SRP54: variants seen among roughly 807,000 people sequenced by gnomAD.
SRP54 encodes the protein signal recognition particle 54.
Under a neutral mutation model 64.8 loss-of-function variants are expected in SRP54, and 10 were observed. The ratio of observed to expected loss-of-function variants is 0.15; its 90% CI spans 0.10 to 0.26. SRP54 has a LOEUF of 0.26. Among genes scored for constraint, SRP54 ranks in the 10% least tolerant of loss-of-function variants. SRP54 has a pLI of 1.00. For missense variants in SRP54, 325 were observed against 613.7 expected, an observed-to-expected ratio of 0.53 and a Z score of 4.97; for synonymous variants, 193 against 185.6, an observed-to-expected ratio of 1.04 and a Z score of -0.32.
At position 34,991,719 on chromosome 14, in the gene SRP54, G is replaced by A. The variant is rs2043982850; in HGVS notation, c.-33-4958G>A. ...TCAGTATGATTAAAATCAGTCATGC[G>A]TGTGTGTTGGGGGTGGGGGGTGGAG... On this transcript the variant is annotated intron_variant, in intron 1 of 15. Coordinates refer to ENST00000216774, the MANE Select transcript of SRP54 (RefSeq NM_003136.4). Among the ~76,000 whole-genome samples, 8 of 149,722 alleles carry A rather than the reference G, an allele frequency of 5.3e-5. 1 individual carries two copies. The South Asian group carries it at 6.4e-4, about 12-fold the overall frequency.
At chr14:34,986,685 C>G (rs890373571) in intron 1 of SRP54, among the ~76,000 whole-genome samples, 2 of 152,000 alleles carry the variant, frequency 1.3e-5, no homozygotes, top group Non-Finnish European at 2.9e-5. Context: ...CAAGACCAGC[C>G]TGGCCAAGAT....
intron 8 of SRP54, among the ~76,000 whole-genome samples, chr14:35,012,477 A>T (rs908881675): frequency 1.3e-5 from 2 of 152,152 alleles, no homozygotes; most frequent in East Asian, 3.8e-4. Context: ...TAATGCTAAT[A>T]AGTTTCTTTT....
At chr14:35,028,311 A>C (rs946537819) in intron 15 of SRP54, 128 bp downstream of exon 15, 1 of 565,102 alleles carries the variant, frequency 1.8e-6, no homozygotes, top group East Asian at 3.1e-5. Context: ...GGAAATGGTC[A>C]TCTGAATCCT....
At chr14:35,014,918 T>C (rs2044414029) in intron 11 of SRP54, 88 bp downstream of exon 11, 2 of 942,900 alleles carry the variant, frequency 2.1e-6, no homozygotes, top group South Asian at 3.1e-5. Flanking sequence ...TGAAATGTAA[T>C]ATCTGTTAGA....
intron 13 of SRP54, 33 bp downstream of exon 13, chr14:35,019,107 A>G (rs1282111499): frequency 1.9e-5 from 27 of 1,442,316 alleles, no homozygotes; most frequent in Non-Finnish European, 2.3e-5. Context: ...TCAGGCAAAA[A>G]TGTTCTGAGT....
chr14:35,014,506 C>T (rs1459645108), intron 10 of SRP54, among the ~76,000 whole-genome samples: 1 of 152,060 alleles, frequency 6.6e-6, no homozygotes, highest in Non-Finnish European at 1.5e-5. Flanking sequence ...TCTCAAACTC[C>T]TGACCTCAGG....
At chr14:35,002,053 T>G (rs1183704151) in intron 4 of SRP54, among the ~76,000 whole-genome samples, 2 of 149,112 alleles carry the variant, frequency 1.3e-5, no homozygotes, top group African/African-American at 2.5e-5. Context: ...AAAAAAAAAT[T>G]GATAAAAATA....
intron 13 of SRP54, 51 bp from the exon 14 acceptor site, chr14:35,022,859 C>T (rs1406142465): frequency 6.7e-7 from 1 of 1,489,188 alleles, no homozygotes; most frequent in African/African-American, 1.4e-5. Context: ...CACATAACTG[C>T]TTTGATGGTG....
rs1313196947 is a variant in SRP54 at position 35,027,920 on chromosome 14, AAGATT to A, written c.1328-164_1328-160del. ...CAAAAAATAGTATGTAATTGAGAAA[AAGATT>A]AGAAGGGAATATGTAGAAATAGAAA... On this transcript the variant is annotated intron_variant, in intron 14 of 15. Transcript: ENST00000216774. 4.0e-5 allele frequency: 16 copies of A among 398,018 alleles called. No homozygotes were observed. The Middle Eastern group carries it at 2.6e-3, about 65-fold the overall frequency. The allele number at this position is 398,018 out of a possible 1,614,324, so 24.7% of individuals were successfully genotyped here.
chr14:35,004,183 G>A (rs965498925), intron 4 of SRP54, among the ~76,000 whole-genome samples: 1 of 152,118 alleles, frequency 6.6e-6, no homozygotes, highest in East Asian at 1.9e-4. Context: ...CTGGGAGGCA[G>A]AGGTTGCAGT....
intron 4 of SRP54, chr14:35,004,728 G>A (rs2138991133): frequency 6.6e-6 from 1 of 152,312 alleles, no homozygotes; most frequent in South Asian, 2.1e-4. Flanking sequence ...GCCATGACAT[G>A]TAGAAAATGG....
intron 1 of SRP54, among the ~76,000 whole-genome samples, chr14:34,985,317 A>G (rs995848069): frequency 6.6e-6 from 1 of 152,194 alleles, no homozygotes; most frequent in African/African-American, 2.4e-5. Flanking sequence ...CCTCTTCTCT[A>G]TTAACTCCTC....
chr14:35,023,379 C>G (rs2044567110), intron 14 of SRP54, among the ~76,000 whole-genome samples: 5 of 151,746 alleles, frequency 3.3e-5, no homozygotes, highest in Admixed American at 3.3e-4. Flanking sequence ...AAACACATTA[C>G]CTTTACTCCC....
intron 7 of SRP54, among the ~76,000 whole-genome samples, chr14:35,011,057 G>A (rs999952253): frequency 3.9e-5 from 6 of 152,068 alleles, no homozygotes; most frequent in South Asian, 2.1e-4. Context: ...CTCCCAAGTG[G>A]CTGGGACTAT....
At position 35,013,486 on chromosome 14, in the gene SRP54, A is replaced by G. The variant is rs1187163895; in HGVS notation, c.777A>G (p.Ala259=). The change falls in exon 9 of 16, where the codon GCA becomes GCG. Residue 259 remains alanine (A), a synonymous_variant. Coordinates refer to ENST00000216774, the MANE Select transcript of SRP54 (RefSeq NM_003136.4). ...ATGGCCATGCAAAAGGAGGTGGTGC[A>G]CTCAGTGCGTAAGTATCATTGATAC... The part of the protein sequence containing the change: ...KLDGHAKGGG[A]LSAVAATKSP... 1.2e-6 allele frequency: 2 copies of G among 1,614,084 alleles called. No homozygotes were observed. The highest frequency in any genetic ancestry group is 8.5e-7 in the Non-Finnish European group (1 of 1,179,984).
At chr14:34,999,013 G>GTTTTT (rs67731589) in intron 2 of SRP54, among the ~76,000 whole-genome samples, 2 of 39,568 alleles carry the variant, frequency 5.1e-5, no homozygotes, top group Non-Finnish European at 1.0e-4. Context: ...GTGTGTGTGT[G>GTTTTT]GTTTTTTTTT....
chr14:35,011,689 T>G, intron 8 of SRP54, 30 bp downstream of exon 8: 1 of 1,453,482 alleles, frequency 6.9e-7, no homozygotes, highest in Non-Finnish European at 9.2e-7. Context: ...ACACTATTAT[T>G]AGGACTTTGG....
At chr14:35,008,731 T>C in intron 6 of SRP54, 38 bp downstream of exon 6, 1 of 1,605,000 alleles carries the variant, frequency 6.2e-7, no homozygotes, top group South Asian at 1.1e-5. Flanking sequence ...TTATATAATT[T>C]TTATTTTCAA....
At position 35,008,639 on chromosome 14, in the gene SRP54, T is replaced by C. The variant is rs2138999055; in HGVS notation, c.373T>C (p.Tyr125His). The change falls in exon 6 of 16, where the codon TAC (tyrosine) becomes CAC (histidine). Residue 125 changes from tyrosine (Y) to histidine (H), a missense_variant. Physicochemically the swap from Tyr to His is moderately conservative, Grantham distance 83. Around this residue, in one of 3 missense-constraint regions of SRP54, gnomAD observed 156 missense variants for 254.6 expected, o/e 0.61. Transcript: ENST00000216774. ...TTTTCTCACCCAGCTAGCATATTAT[T>C]ACCAGAGGAAAGGTTGGAAGACCTG... Reference protein sequence around the residue: ...TTTCSKLAYYYQRKGWKTCLI... With the variant: ...TTTCSKLAYYHQRKGWKTCLI... The C allele has an allele frequency of 3.2e-6, 5 of 1,581,132 alleles. No homozygotes were observed. The highest frequency in any genetic ancestry group is 4.3e-6 in the Non-Finnish European group (5 of 1,163,096).
Sources: allele counts gnomAD v4.1 joint callset (sites outside exome capture counted in the v4.1 genomes callset), GRCh38; gene constraint gnomAD v4.1.1; regional missense constraint gnomAD v4.1.1; transcripts MANE v1.5; gene names NCBI Gene and HGNC (gene_info 2026-07-23, HGNC 2026-07-21).